The following TBC1D15 variants were observed in gnomAD, a reference collection of about 807,000 sequenced individuals.
The protein encoded by TBC1D15 is GAP for RAB7.
A neutral mutation model predicts 95.4 loss-of-function variants in TBC1D15; 39 were observed. The observed-to-expected ratio is 0.41, with a 90% CI of 0.32 to 0.53. TBC1D15 has a LOEUF of 0.53. Among genes scored for constraint, TBC1D15 ranks in the 20% least tolerant of loss-of-function variants. The pLI, the probability that TBC1D15 is intolerant of heterozygous loss-of-function variation, is 0.29. For missense variants in TBC1D15, 733 were observed against 794.3 expected (o/e 0.92, Z 0.93); for synonymous variants, 258 against 261.3 (o/e 0.99, Z 0.12).
chr12:71,848,964 A>G (rs1887041042), intron 1 of TBC1D15, among the ~76,000 whole-genome samples: 1 of 152,204 alleles, frequency 6.6e-6, no homozygotes, highest in African/African-American at 2.4e-5. Context: ...CTATAAAAAC[A>G]GCATTTAAAG....
At chr12:71,909,046 A>C (rs1004791371) in intron 11 of TBC1D15, among the ~76,000 whole-genome samples, 1 of 152,222 alleles carries the variant, frequency 6.6e-6, no homozygotes, top group African/African-American at 2.4e-5. Context: ...ATAGAAATTC[A>C]TATGTATTCT....
At chr12:71,903,292 C>A (rs1483628411) in intron 10 of TBC1D15, among the ~76,000 whole-genome samples, 3 of 152,064 alleles carry the variant, frequency 2.0e-5, no homozygotes, top group Non-Finnish European at 4.4e-5. Context: ...GTCATTATGG[C>A]AATACAATTC....
At chr12:71,855,274 C>G (rs1356785637) in intron 1 of TBC1D15, among the ~76,000 whole-genome samples, 1 of 152,028 alleles carries the variant, frequency 6.6e-6, no homozygotes, top group East Asian at 1.9e-4. Flanking sequence ...GTGGGGTTTA[C>G]AATTTGAGAT....
At position 71,872,129 on chromosome 12, in the gene TBC1D15, A is replaced by C; in HGVS notation, c.90A>C (p.Gln30His). Residue 30 changes from glutamine (Q) to histidine (H), a missense_variant, in exon 2 of 17, where the codon CAA (glutamine) becomes CAC (histidine). Gln to His is a conservative substitution (Grantham distance 24). Coordinates refer to ENST00000485960, the MANE Select transcript of TBC1D15 (RefSeq NM_001146213.3). Reference sequence around the variant, plus strand: ...CATCTTGTGGAAAGACCAATGACCAAGACGGCTTGATTTCAGGAATATTAC... The same window carrying C: ...CATCTTGTGGAAAGACCAATGACCACGACGGCTTGATTTCAGGAATATTAC... ...IHSSCGKTND[Q>H]DGLISGILRV... The C allele has an allele frequency of 6.3e-7, 1 of 1,580,892 alleles. No individual in the cohort carries two copies. The highest frequency in any genetic ancestry group is 8.6e-7 in the Non-Finnish European group (1 of 1,165,762).
chr12:71,882,049 C>T (rs73351279), intron 4 of TBC1D15, among the ~76,000 whole-genome samples: 4,176 of 150,636 alleles, frequency 0.028, 195 homozygotes, highest in African/African-American at 0.095. Context: ...CATTACGAAA[C>T]TTTCTTATTT....
intron 3 of TBC1D15, among the ~76,000 whole-genome samples, chr12:71,874,485 T>C (rs975797697): frequency 2.6e-5 from 4 of 152,000 alleles, no homozygotes; most frequent in Admixed American, 2.0e-4. Flanking sequence ...GTTTGTGGAA[T>C]TTTTTTTCCT....
intron 1 of TBC1D15, among the ~76,000 whole-genome samples, chr12:71,870,320 A>AT (rs966961655): frequency 5.9e-5 from 9 of 151,960 alleles, no homozygotes; most frequent in African/African-American, 2.2e-4. Flanking sequence ...ATTTTTGTAC[A>AT]TTTATCTGTA....
chr12:71,849,977 T>G (rs1887359149), intron 1 of TBC1D15: 1 of 515,992 alleles, frequency 1.9e-6, no homozygotes, highest in Admixed American at 2.5e-5. Flanking sequence ...GGAGTGCTTC[T>G]ATAGCTCTAA....
At chr12:71,868,341 G>A (rs1240159111) in intron 1 of TBC1D15, among the ~76,000 whole-genome samples, 7 of 151,600 alleles carry the variant, frequency 4.6e-5, no homozygotes, top group Admixed American at 4.6e-4. Flanking sequence ...TGCATCCTGG[G>A]TTCACTCCAT....
At chr12:71,899,863 G>A (rs1325351628) in intron 10 of TBC1D15, among the ~76,000 whole-genome samples, 2 of 152,062 alleles carry the variant, frequency 1.3e-5, no homozygotes, top group African/African-American at 4.8e-5. Context: ...GGAGGCTGAG[G>A]TGGGAGGATC....
intron 14 of TBC1D15, among the ~76,000 whole-genome samples, chr12:71,920,285 G>A (rs778040190): frequency 9.9e-5 from 15 of 152,136 alleles, no homozygotes; most frequent in African/African-American, 1.4e-4. Flanking sequence ...AGCTACCTCT[G>A]GGTGTTTCTG....
chr12:71,849,894 G>T (rs189665174), intron 1 of TBC1D15: 11 of 571,932 alleles, frequency 1.9e-5, no homozygotes, highest in South Asian at 1.5e-4. Flanking sequence ...GTCCACCAAA[G>T]CTTCCAGCGT....
chr12:71,888,709 G>A (rs1297795686), intron 5 of TBC1D15, among the ~76,000 whole-genome samples: 1 of 152,066 alleles, frequency 6.6e-6, no homozygotes, highest in Non-Finnish European at 1.5e-5. Context: ...GAGAGAGCTT[G>A]GAAGGAATTA....
rs1592813447 is a variant in TBC1D15 at position 71,908,977 on chromosome 12, G to A, written c.1300+1839G>A. The stretch of plus-strand genomic sequence containing the variant: ...GTTTCTGTTACCACTGTAGGGAATA[G>A]GACCATTCTCCTTGGGAACAGAAGG... On this transcript the variant is annotated intron_variant, in intron 11 of 16. Coordinates refer to ENST00000485960, the MANE Select transcript of TBC1D15 (RefSeq NM_001146213.3). Among the ~76,000 whole-genome samples, 5 of 152,248 alleles carry A rather than the reference G, an allele frequency of 3.3e-5. 1 individual carries two copies. The South Asian group carries it at 1.0e-3, about 32-fold the overall frequency.
intron 4 of TBC1D15, 148 bp downstream of exon 4, chr12:71,880,755 T>C (rs2138467441): frequency 1.1e-6 from 1 of 890,750 alleles, no homozygotes; most frequent in East Asian, 3.1e-5. Context: ...TTTAGTTATA[T>C]TCCCTTTTCA....
chr12:71,843,033 T>C (rs536508380), intron 1 of TBC1D15, among the ~76,000 whole-genome samples: 4 of 150,942 alleles, frequency 2.7e-5, no homozygotes, highest in East Asian at 2.0e-4. Flanking sequence ...ATGCTTGTAA[T>C]CATCACTTTG....
intron 3 of TBC1D15, among the ~76,000 whole-genome samples, chr12:71,874,304 C>T (rs1025393219): frequency 2.6e-5 from 4 of 152,020 alleles, no homozygotes; most frequent in Non-Finnish European, 4.4e-5. Context: ...AGTTGTATGT[C>T]GTTGTGGTTT....
chr12:71,857,264 T>C (rs1342003861), intron 1 of TBC1D15, among the ~76,000 whole-genome samples: 2 of 152,064 alleles, frequency 1.3e-5, no homozygotes, highest in Non-Finnish European at 2.9e-5. Context: ...CCTTTTAATT[T>C]TTGCGTTAGA....
At chr12:71,848,864 T>C (rs1269009337) in intron 1 of TBC1D15, among the ~76,000 whole-genome samples, 1 of 152,194 alleles carries the variant, frequency 6.6e-6, no homozygotes, top group Non-Finnish European at 1.5e-5. Context: ...CTCCTAGGCT[T>C]CATTCAGCCT....
Sources: allele counts gnomAD v4.1 joint callset (sites outside exome capture counted in the v4.1 genomes callset), GRCh38; gene constraint gnomAD v4.1.1; transcripts MANE v1.5; gene names NCBI Gene and HGNC (gene_info 2026-07-23, HGNC 2026-07-21).